The following CFAP251 variants were observed in gnomAD, a reference collection of about 807,000 sequenced individuals.
CFAP251 encodes cilia and flagella associated protein 251.
A neutral mutation model predicts 126.7 loss-of-function variants in CFAP251; 93 were observed. The ratio of observed to expected loss-of-function variants is 0.73; its 90% confidence interval spans 0.62 to 0.87. The LOEUF is 0.87. CFAP251 is among the 40% of genes least tolerant of loss of function. CFAP251 has a pLI of 0.00. For synonymous variants in CFAP251, 503 were observed against 506.9 expected, an observed-to-expected ratio of 0.99 and a Z score of 0.10; for missense variants, 1,287 against 1,389.2, an observed-to-expected ratio of 0.93 and a Z score of 1.17.
intron 17 of CFAP251, among the ~76,000 whole-genome samples, chr12:121,971,119 T>G (rs1207313878): frequency 1.3e-5 from 2 of 152,218 alleles, no homozygotes; most frequent in African/African-American, 4.8e-5. Flanking sequence ...TTCTGGCCTT[T>G]ACCTGGCTCT....
At chr12:121,943,961 G>C (rs1881225232) in intron 7 of CFAP251, among the ~76,000 whole-genome samples, 1 of 152,148 alleles carries the variant, frequency 6.6e-6, no homozygotes, top group African/African-American at 2.4e-5. Context: ...TTCTAGAAGT[G>C]TGCTCTTAAC....
chr12:121,971,264 G>A (rs1882320917), intron 17 of CFAP251, among the ~76,000 whole-genome samples: 1 of 152,236 alleles, frequency 6.6e-6, no homozygotes, highest in African/African-American at 2.4e-5. Flanking sequence ...GTGCTGAGAA[G>A]TGGGGAAGAC....
chr12:121,969,789 C>T, intron 17 of CFAP251: 1 of 985,436 alleles, frequency 1.0e-6, no homozygotes, highest in Non-Finnish European at 1.2e-6. Flanking sequence ...AACCTTCCTT[C>T]TGAAATGTTT....
At chr12:121,937,301 A>G (rs1880934350) in intron 5 of CFAP251, among the ~76,000 whole-genome samples, 1 of 152,110 alleles carries the variant, frequency 6.6e-6, no homozygotes, top group South Asian at 2.1e-4. Context: ...TCTTCCCATG[A>G]CATTCCCACC....
At chr12:121,995,049 G>A (rs1190535205) in intron 19 of CFAP251, among the ~76,000 whole-genome samples, 4 of 152,134 alleles carry the variant, frequency 2.6e-5, no homozygotes, top group Non-Finnish European at 5.9e-5. Context: ...AGCACTTTAC[G>A]TACATAGTCT....
intron 8 of CFAP251, chr12:121,951,269 AATC>A (rs1006224559): frequency 2.9e-5 from 12 of 416,924 alleles, no homozygotes; most frequent in African/African-American, 2.2e-4. Flanking sequence ...AAAAAGTCAT[AATC>A]ATTTGTGGCA....
intron 9 of CFAP251, chr12:121,953,008 G>A (rs968976395): frequency 2.0e-5 from 3 of 152,052 alleles, no homozygotes; most frequent in Non-Finnish European, 4.4e-5. Context: ...CAATACATAA[G>A]CTTGTTTTAT....
intron 4 of CFAP251, 84 bp downstream of exon 4, chr12:121,931,970 T>G: frequency 7.7e-7 from 1 of 1,296,858 alleles, no homozygotes; most frequent in Non-Finnish European, 1.0e-6. Flanking sequence ...AAGGGCTGAC[T>G]TCATTCTATC....
At chr12:121,926,020 AATT>A (rs1880396326) in intron 3 of CFAP251, among the ~76,000 whole-genome samples, 1 of 87,320 alleles carries the variant, frequency 1.1e-5, no homozygotes. Context: ...AATTTTTTGT[AATT>A]TTTTTTTTTT....
At chr12:121,969,379 A>G in intron 17 of CFAP251, 1 of 985,320 alleles carries the variant, frequency 1.0e-6, no homozygotes, top group Non-Finnish European at 1.2e-6. Context: ...TCCTATTGAA[A>G]AGGGATCATG....
chr12:121,984,992 CAAT>C (rs1188972660), intron 19 of CFAP251, among the ~76,000 whole-genome samples: 1 of 152,122 alleles, frequency 6.6e-6, no homozygotes, highest in African/African-American at 2.4e-5. Context: ...GTGAATGAAT[CAAT>C]GATGCTCATT....
At chr12:121,980,899 G>A (rs924613056) in intron 19 of CFAP251, among the ~76,000 whole-genome samples, 5 of 152,308 alleles carry the variant, frequency 3.3e-5, no homozygotes, top group Non-Finnish European at 5.9e-5. Context: ...CCTCCTTGGC[G>A]AGCCATCCCA....
intron 4 of CFAP251, chr12:121,933,301 AG>A (rs1181490867): frequency 6.6e-6 from 1 of 152,414 alleles, no homozygotes; most frequent in Non-Finnish European, 1.5e-5. Context: ...AGCCAGCCAA[AG>A]ACAGTCTGGG....
intron 6 of CFAP251, 62 bp from the exon 7 acceptor site, chr12:121,942,833 G>A: frequency 1.9e-6 from 3 of 1,575,562 alleles, no homozygotes; most frequent in Non-Finnish European, 2.6e-6. Flanking sequence ...CACAAGAGGT[G>A]TAAGTTACTT....
chr12:121,942,931 A>G lies in CFAP251; in HGVS notation c.1147A>G (p.Thr383Ala). Residue 383 changes from threonine (T) to alanine (A), a missense_variant, in exon 7 of 22, where the codon ACG becomes GCG. Transcript: ENST00000288912. ...CTGGAAGTGGACTTTGGCAGTGGAA[A>G]CGCCAGCATGCACTCTCGAACTCCC... Reference protein sequence around the residue: ...CIWKWTLAVETPACTLELPTE... With the variant: ...CIWKWTLAVEAPACTLELPTE... 1 of 1,614,126 alleles carries G rather than the reference A, an allele frequency of 6.2e-7. No homozygotes were observed. The highest frequency in any genetic ancestry group is 8.5e-7 in the Non-Finnish European group (1 of 1,180,018).
At chr12:121,994,197 G>A (rs1403587073) in intron 19 of CFAP251, among the ~76,000 whole-genome samples, 42 of 69,508 alleles carry the variant, frequency 6.0e-4, no homozygotes, top group South Asian at 1.4e-3. Context: ...CCGTCCGGGA[G>A]GTGAGGGGCG....
intron 4 of CFAP251, 25 bp from the exon 5 acceptor site, chr12:121,934,222 A>G: frequency 1.3e-6 from 2 of 1,597,954 alleles, no homozygotes; most frequent in Non-Finnish European, 1.7e-6. Flanking sequence ...GGATGTTTCA[A>G]AGCGTTTTCT....
rs185299856 is a variant in CFAP251 at position 121,992,694 on chromosome 12, C to T, written c.3007-7022C>T. On this transcript the variant is annotated intron_variant, in intron 19 of 21. Coordinates refer to ENST00000288912, the MANE Select transcript of CFAP251 (RefSeq NM_144668.6). ...CCGGGCTCAGGTGATCCTCCCATCT[C>T]AGCCTCCCAAGTAGCTGGGACTACA... 1.3e-3 allele frequency among the ~76,000 whole-genome samples: 204 copies of T among 152,040 alleles called. 1 individual carries two copies. The highest frequency in any genetic ancestry group is 2.2e-3 in the Admixed American group (34 of 15,266).
rs200503042 is a variant in CFAP251 at position 121,921,600 on chromosome 12, G to C, written c.295G>C (p.Glu99Gln). Residue 99 changes from glutamate to glutamine, a missense_variant, in exon 2 of 22, where the codon GAG (glutamate) becomes CAG (glutamine). Coordinates refer to ENST00000288912, the MANE Select transcript of CFAP251 (RefSeq NM_144668.6). ...AGGAATACAGGAAGAAACCACAGTAGAGCCCCAAGAAGTCACAGCGTCCAT... is the reference window on the plus strand; with the variant it reads ...AGGAATACAGGAAGAAACCACAGTACAGCCCCAAGAAGTCACAGCGTCCAT... ...ASGIQEETTV[E>Q]PQEVTASMIR... 6.2e-7 allele frequency: 1 copy of C among 1,614,038 alleles called. No individual in the cohort carries two copies. The highest frequency in any genetic ancestry group is 1.7e-5 in the Admixed American group (1 of 59,976).
Sources: allele counts gnomAD v4.1 joint callset (sites outside exome capture counted in the v4.1 genomes callset), GRCh38; gene constraint gnomAD v4.1.1; transcripts MANE v1.5; gene names NCBI Gene and HGNC (gene_info 2026-07-23, HGNC 2026-07-21).